Variants in BAIAP2 observed in about 807,000 individuals in gnomAD.
BAIAP2 encodes the protein BAR/IMD domain containing adaptor protein 2.
BAIAP2 carries 18 observed loss-of-function variants against 63.0 expected under a neutral mutation model. The observed-to-expected ratio is 0.29, with a 90% CI of 0.20 to 0.42. BAIAP2 has a LOEUF of 0.42. Ranked by LOEUF, BAIAP2 falls within the 10% of genes least tolerant of loss-of-function variation. BAIAP2 has a pLI of 1.00. For synonymous variants in BAIAP2, 386 were observed against 307.6 expected (o/e 1.25, Z -2.67); for missense variants, 610 against 734.3 (o/e 0.83, Z 1.96).
At chr17:81,107,905 T>G in intron 12 of BAIAP2, 1 of 156,276 alleles carries the variant, frequency 6.4e-6, no homozygotes, top group Admixed American at 6.2e-5. Flanking sequence ...CAAGGAGGGG[T>G]CTGCATCTGC....
chr17:81,077,952 G>T (rs1424100655), intron 3 of BAIAP2, among the ~76,000 whole-genome samples: 1 of 149,362 alleles, frequency 6.7e-6, no homozygotes, highest in Non-Finnish European at 1.5e-5. Flanking sequence ...TGCGGGTGCC[G>T]TATTGGGTGG....
At chr17:81,075,998 C>T (rs192898357) in intron 3 of BAIAP2, among the ~76,000 whole-genome samples, 52 of 151,798 alleles carry the variant, frequency 3.4e-4, no homozygotes, top group Non-Finnish European at 5.9e-4. Flanking sequence ...GCAGAAGTGC[C>T]TGCACCCGGG....
rs5822388 is a variant in BAIAP2, at chr17:81,048,356, CAAAAAA to C, written c.55-5293_55-5288del. Reference sequence around the variant, plus strand: ...TGGGCGACAGAGCAAGACTCTGTCTCAAAAAAAAAAAAAAAAAAAAAAAAGAATTCC... The same window carrying C: ...TGGGCGACAGAGCAAGACTCTGTCTCAAAAAAAAAAAAAAAAAAGAATTCC... On this transcript the variant is annotated intron_variant, in intron 1 of 13. Transcript: ENST00000428708. Among the ~76,000 whole-genome samples the C allele has an allele frequency of 1.3e-4, 12 of 90,242 alleles. No individual in the cohort carries two copies. The East Asian group carries it at 1.8e-3, about 13-fold the overall frequency. The allele number at this position is 90,242 out of a possible 152,430, so 59.2% of individuals were successfully genotyped here.
chr17:81,094,108 C>T (rs2057264803), intron 6 of BAIAP2, among the ~76,000 whole-genome samples: 1 of 152,074 alleles, frequency 6.6e-6, no homozygotes, highest in East Asian at 1.9e-4. Context: ...GGGGCCAGGG[C>T]AGCCAGGGGT....
intron 6 of BAIAP2, chr17:81,097,796 G>A (rs892209994): frequency 1.5e-5 from 4 of 259,510 alleles, no homozygotes; most frequent in East Asian, 6.6e-5. Context: ...AGCCTCCTGC[G>A]GCCTCCCAGG....
At chr17:81,037,709 G>C (rs573057710) in intron 1 of BAIAP2, among the ~76,000 whole-genome samples, 29 of 152,372 alleles carry the variant, frequency 1.9e-4, no homozygotes, top group African/African-American at 6.7e-4. Flanking sequence ...GTGCCTCTTG[G>C]AACGGCTGTG....
chr17:81,108,532 CTT>C, intron 13 of BAIAP2, 23 bp downstream of exon 13: 1 of 1,613,778 alleles, frequency 6.2e-7, no homozygotes, highest in Non-Finnish European at 8.5e-7. Context: ...TCAGACCTGT[CTT>C]TGGGACCGTG....
chr17:81,056,701 T>C (rs996608124), intron 2 of BAIAP2, among the ~76,000 whole-genome samples: 10 of 152,236 alleles, frequency 6.6e-5, no homozygotes, highest in Admixed American at 6.5e-4. Flanking sequence ...CTTTACTTCC[T>C]GCTCCTGCTT....
intron 13 of BAIAP2, chr17:81,110,410 G>T: frequency 1.0e-6 from 1 of 990,212 alleles, no homozygotes; most frequent in Non-Finnish European, 1.2e-6. Flanking sequence ...AAGATGTAAA[G>T]TGCTGAACAT....
At chr17:81,105,380 C>T (rs2059053765) in intron 10 of BAIAP2, 2 of 153,832 alleles carry the variant, frequency 1.3e-5, no homozygotes, top group Non-Finnish European at 2.9e-5. Context: ...TCCCACAGTT[C>T]GCAGGTGCAG....
At position 81,104,906 on chromosome 17, in the gene BAIAP2, CT is replaced by C. The variant is rs149329909; in HGVS notation, c.1268+192del. Among the ~76,000 whole-genome samples the C allele has an allele frequency of 7.2e-3, 1,099 of 152,236 alleles. 14 individuals carry two copies. Among genetic ancestry groups the C allele is most frequent in the African/African-American group, 0.025 (1,044 of 41,544 alleles). ...TCGCCACCAACAGGCGTCTTCTCCC[CT>C]GGCAGGGGTCTTCGCCCCAACCACC... On this transcript the variant is annotated intron_variant, in intron 10 of 13. Coordinates refer to ENST00000428708, the MANE Select transcript of BAIAP2 (RefSeq NM_001144888.2).
At chr17:81,037,075 G>C in intron 1 of BAIAP2, 1 of 883,378 alleles carries the variant, frequency 1.1e-6, no homozygotes, top group Non-Finnish European at 1.7e-6. Flanking sequence ...TTTATCTGCA[G>C]GTCTAAGTGA....
intron 1 of BAIAP2, among the ~76,000 whole-genome samples, chr17:81,041,040 G>A (rs1373464606): frequency 6.6e-6 from 1 of 152,264 alleles, no homozygotes; most frequent in East Asian, 1.9e-4. Flanking sequence ...GTCAGGCACA[G>A]TGGCGCCCCC....
chr17:81,078,922 C>A (rs996430104), intron 3 of BAIAP2, among the ~76,000 whole-genome samples: 3 of 151,988 alleles, frequency 2.0e-5, no homozygotes, highest in African/African-American at 7.3e-5. Flanking sequence ...CTCTCCCCTG[C>A]AAAGTGGGGT....
chr17:81,099,406 C>T (rs1363542647), intron 6 of BAIAP2, among the ~76,000 whole-genome samples: 1 of 151,744 alleles, frequency 6.6e-6, no homozygotes, highest in African/African-American at 2.4e-5. Flanking sequence ...TCCTGGGCTC[C>T]AGCTCTCCTG....
At chr17:81,068,633 C>A (rs1201931425) in intron 3 of BAIAP2, among the ~76,000 whole-genome samples, 1 of 152,214 alleles carries the variant, frequency 6.6e-6, no homozygotes, top group African/African-American at 2.4e-5. Flanking sequence ...CAGGTGGCTC[C>A]GCTCTTGTGT....
intron 12 of BAIAP2, chr17:81,107,775 A>AG (rs1252471522): frequency 1.3e-5 from 2 of 152,430 alleles, no homozygotes; most frequent in Non-Finnish European, 2.9e-5. Context: ...CCCACAAGTG[A>AG]GGAGTCCCTA....
At chr17:81,071,099 A>AT (rs56122709) in intron 3 of BAIAP2, among the ~76,000 whole-genome samples, 14,278 of 149,136 alleles carry the variant, frequency 0.096, 750 homozygotes, top group East Asian at 0.22. Flanking sequence ...ACAGACATTG[A>AT]TTTTTTTTTT....
chr17:81,108,831 T>C, intron 13 of BAIAP2: 6 of 1,361,026 alleles, frequency 4.4e-6, no homozygotes, highest in Non-Finnish European at 5.9e-6. Flanking sequence ...TGCTCCGCCC[T>C]TGTCCTGGGT....
Sources: gnomAD v4.1 joint callset for allele counts (sites outside exome capture counted in the v4.1 genomes callset) on GRCh38, gnomAD v4.1.1 for gene constraint, MANE v1.5 for transcripts, NCBI Gene and HGNC (gene_info 2026-07-23, HGNC 2026-07-21) for gene names.